ZNF544: variants seen among roughly 807,000 people sequenced by gnomAD.
The protein encoded by ZNF544 is zinc finger protein AF020591.
Under a neutral mutation model 13.5 loss-of-function variants are expected in ZNF544, and 10 were observed. The observed-to-expected ratio is 0.74, with a 90% CI of 0.46 to 1.25. The LOEUF (loss-of-function observed/expected upper bound fraction) is 1.25. ZNF544 is among the 50% of genes most tolerant of loss of function. The pLI, the probability that ZNF544 is intolerant of heterozygous loss-of-function variation, is 0.00. For missense variants in ZNF544, 896 were observed against 845.6 expected, an observed-to-expected ratio of 1.06 and a Z score of -0.74; for synonymous variants, 323 against 300.5, an observed-to-expected ratio of 1.07 and a Z score of -0.77.
chr19:58,276,433 A>G, intron 6 of ZNF544: 1 of 1,223,698 alleles, frequency 8.2e-7, no homozygotes, highest in African/African-American at 1.6e-5. Flanking sequence ...TGCTCAGGTG[A>G]GTGAAGACAT....
At chr19:58,249,483 A>G (rs2147196545) in intron 6 of ZNF544, among the ~76,000 whole-genome samples, 1 of 152,296 alleles carries the variant, frequency 6.6e-6, no homozygotes, top group Middle Eastern at 3.4e-3. Context: ...TTTGGTTAAG[A>G]GTTTAACAAA....
At chr19:58,264,436 A>G (rs532675932), downstream of ZNF544, among the ~76,000 whole-genome samples, 21 of 151,812 alleles carry the variant, frequency 1.4e-4, no homozygotes, top group African/African-American at 4.8e-4. Flanking sequence ...TCATGCCTGT[A>G]ATCCCAGCAC....
intron 3 of ZNF544, among the ~76,000 whole-genome samples, chr19:58,233,069 G>A (rs1365470480): frequency 6.6e-6 from 1 of 152,098 alleles, no homozygotes; most frequent in Non-Finnish European, 1.5e-5. Flanking sequence ...GAAGGCGAAG[G>A]AGAAGCAAAG....
chr19:58,244,131 C>T, intron 4 of ZNF544, 75 bp downstream of exon 4: 3 of 1,327,582 alleles, frequency 2.3e-6, no homozygotes, highest in Non-Finnish European at 3.2e-6. Flanking sequence ...GCACCCGCCC[C>T]TGCAGGCTGT....
rs532340789 is a variant in ZNF544, at chr19:58,262,840, A to G, written c.*86A>G. On this transcript the variant is annotated 3_prime_UTR_variant, in exon 7 of 7. Transcript: ENST00000687789. ...ACGCATGTCGGTGGGAAGAGCTATCAGTGTGACGTGTATTAAGCCAGCGGT... is the reference window on the plus strand; with the variant it reads ...ACGCATGTCGGTGGGAAGAGCTATCGGTGTGACGTGTATTAAGCCAGCGGT... 1.3e-6 allele frequency: 2 copies of G among 1,517,898 alleles called. No homozygotes were observed. Among genetic ancestry groups the G allele is most frequent in the East Asian group, 2.3e-5 (1 of 43,292 alleles). The allele number at this position is 1,517,898 out of a possible 1,614,324, so 94.0% of individuals were successfully genotyped here.
chr19:58,261,675 A>C lies in ZNF544; in HGVS notation c.1069A>C (p.Asn357His). The C allele has an allele frequency of 6.2e-7, 1 of 1,614,226 alleles. No homozygotes were observed. The highest frequency in any genetic ancestry group is 8.5e-7 in the Non-Finnish European group (1 of 1,180,040). Reference protein sequence around the residue: ...IQTTEKPSVCNQCGKSFSCCK... With the variant: ...IQTTEKPSVCHQCGKSFSCCK... ...GACTACAGAGAAGCCATCTGTGTGT[A>C]ATCAGTGTGGAAAATCTTTCAGCTG... Residue 357 changes from asparagine (N) to histidine (H), a missense_variant, in exon 7 of 7, where the codon AAT (asparagine) becomes CAT (histidine). Physicochemically the swap from Asn to His is moderately conservative, Grantham distance 68 (BLOSUM62 1). Coordinates refer to ENST00000687789, the MANE Select transcript of ZNF544 (RefSeq NM_014480.4).
rs869237830 is a variant in ZNF544, at chr19:58,237,062, CT to C, written c.-60+6617del. Among the ~76,000 whole-genome samples the C allele has an allele frequency of 9.6e-3, 1,283 of 133,246 alleles. 6 individuals carry two copies. Among genetic ancestry groups the C allele is most frequent in the African/African-American group, 0.02 (736 of 36,400 alleles). The allele number at this position is 133,246 out of a possible 152,430, so 87.4% of individuals were successfully genotyped here. On this transcript the variant is annotated intron_variant, in intron 3 of 6. Transcript: ENST00000687789. ...GGCCTCATTCTATGAAACTTTTTACCTTTTTTTTTTTTTTTTTCCCCACATA... is the reference window on the plus strand; with the variant it reads ...GGCCTCATTCTATGAAACTTTTTACCTTTTTTTTTTTTTTTTCCCCACATA...
At chr19:58,276,433 A>T (rs2051225480) in intron 6 of ZNF544, 5 of 1,223,698 alleles carry the variant, frequency 4.1e-6, no homozygotes, top group Non-Finnish European at 5.1e-6. Context: ...TGCTCAGGTG[A>T]GTGAAGACAT....
intron 6 of ZNF544, among the ~76,000 whole-genome samples, chr19:58,249,672 C>G (rs997169639): frequency 2.0e-5 from 3 of 152,088 alleles, no homozygotes; most frequent in Non-Finnish European, 4.4e-5. Context: ...CCTCATTGTT[C>G]GGCATAAAAA....
At chr19:58,257,738 A>T (rs1169253948) in intron 6 of ZNF544, 1 of 152,234 alleles carries the variant, frequency 6.6e-6, no homozygotes, top group Middle Eastern at 3.4e-3. Context: ...GCAACCACTG[A>T]TCTTTATCCT....
In ZNF544 at chr19:58,261,213, C is replaced by G. The variant is rs6510130; in HGVS notation, c.607C>G (p.His203Asp). The change falls in exon 7 of 7, where the codon CAT becomes GAT. Residue 203 changes from histidine to aspartate, a missense_variant. By Grantham distance (81) the His-to-Asp change is moderately conservative. Coordinates refer to ENST00000687789, the MANE Select transcript of ZNF544 (RefSeq NM_014480.4). ...ELKQNSAFINHEKNGADGKHC... is the reference protein window; with the variant it reads ...ELKQNSAFINDEKNGADGKHC... The stretch of plus-strand genomic sequence containing the variant: ...GAAACAAAATTCAGCTTTCATTAAT[C>G]ATGAGAAAAATGGAGCAGATGGGAA... 49,813 of 1,614,030 alleles carry G rather than the reference C, an allele frequency of 0.031. 2,174 individuals are homozygous for G. Among genetic ancestry groups the G allele is most frequent in the African/African-American group, 0.16 (11,633 of 74,962 alleles).
rs5828754 is a variant in ZNF544 at position 58,272,163 on chromosome 19, G to GA, written c.245-4143dup. On this transcript the variant is annotated intron_variant, in intron 5 of 6. Coordinates refer to the ZNF544 transcript ENST00000595981. ...GCAACAGAGTGAGACTCCTTGACAG[G>GA]AAAAAAAAAAAAAAAAAGCATAAAG... is the stretch of plus-strand genomic sequence containing the variant. 2.9e-3 allele frequency among the ~76,000 whole-genome samples: 371 copies of GA among 127,976 alleles called. 1 individual carries two copies. Among genetic ancestry groups the GA allele is most frequent in the African/African-American group, 6.3e-3 (210 of 33,436 alleles). The allele number at this position is 127,976 out of a possible 152,430, so 84.0% of individuals were successfully genotyped here.
intron 3 of ZNF544, among the ~76,000 whole-genome samples, chr19:58,238,785 C>G (rs2042959557): frequency 6.6e-6 from 1 of 151,656 alleles, no homozygotes. Flanking sequence ...CAACGTGGGT[C>G]TTTCCTTTCC....
chr19:58,257,738 A>G (rs1169253948), intron 6 of ZNF544: 1 of 152,116 alleles, frequency 6.6e-6, no homozygotes, highest in East Asian at 1.9e-4. Flanking sequence ...GCAACCACTG[A>G]TCTTTATCCT....
chr19:58,241,166 T>TATATATATATTTAA (rs1568460754), intron 3 of ZNF544, among the ~76,000 whole-genome samples: 11 of 87,668 alleles, frequency 1.3e-4, no homozygotes, highest in African/African-American at 3.6e-4. Context: ...TATTTAAATA[T>TATATATATATTTAA]ATATATATAT....
chr19:58,244,903 T>A (rs781557739), intron 4 of ZNF544, among the ~76,000 whole-genome samples: 3 of 151,380 alleles, frequency 2.0e-5, no homozygotes, highest in Non-Finnish European at 4.4e-5. Context: ...AGGACTCTAG[T>A]CCTATTGGAT....
intron 6 of ZNF544, among the ~76,000 whole-genome samples, chr19:58,254,213 G>C (rs1472325385): frequency 6.6e-6 from 1 of 151,428 alleles, no homozygotes; most frequent in Non-Finnish European, 1.5e-5. Context: ...GACAGAACGA[G>C]ACTCCATCTC....
intron 5 of ZNF544, among the ~76,000 whole-genome samples, chr19:58,274,699 A>G (rs1300570250): frequency 6.6e-6 from 1 of 152,140 alleles, no homozygotes; most frequent in Non-Finnish European, 1.5e-5. Context: ...CCAAAACAGA[A>G]ATAGGGAGAA....
At position 58,261,004 on chromosome 19, in the gene ZNF544, G is replaced by A. The variant is rs2147672424; in HGVS notation, c.398G>A (p.Arg133Lys). The A allele has an allele frequency of 3.7e-6, 6 of 1,614,158 alleles. No homozygotes were observed. Among genetic ancestry groups the A allele is most frequent in the South Asian group, 1.1e-5 (1 of 91,072 alleles). The change falls in exon 7 of 7, where the codon AGG (arginine) becomes AAG (lysine). Residue 133 changes from arginine (R) to lysine (K), a missense_variant. Physicochemically the swap from Arg to Lys is conservative, Grantham distance 26. Transcript: ENST00000687789. ...GKVQDQSNQL[R>K]EHQENSLRFM... ...GTGCAAGATCAGAGCAACCAGTTAA[G>A]GGAACACCAGGAGAACTCCTTGAGG...
Sources: gnomAD v4.1 joint callset for allele counts (sites outside exome capture counted in the v4.1 genomes callset) on GRCh38, gnomAD v4.1.1 for gene constraint, MANE v1.5 for transcripts, NCBI Gene and HGNC (gene_info 2026-07-23, HGNC 2026-07-21) for gene names.